TGFBR3: variants seen among roughly 807,000 people sequenced by gnomAD.
TGFBR3 encodes transforming growth factor beta receptor 3, also known as transforming growth factor beta receptor type 3.
In TGFBR3, 46 loss-of-function variants were observed where a neutral mutation model predicts 87.9. The ratio of observed to expected loss-of-function variants is 0.52; its 90% CI spans 0.41 to 0.67. The LOEUF (loss-of-function observed/expected upper bound fraction) is 0.67, where lower values mean the gene tolerates loss of function less well. TGFBR3 is among the 30% of genes least tolerant of loss of function. The pLI is 0.00. For synonymous variants in TGFBR3, 381 were observed against 391.6 expected, an observed-to-expected ratio of 0.97 and a Z score of 0.32; for missense variants, 866 against 1,041.9, an observed-to-expected ratio of 0.83 and a Z score of 2.32.
chr1:91,891,050 A>G (rs966711059), upstream of TGFBR3, among the ~76,000 whole-genome samples: 2 of 151,622 alleles, frequency 1.3e-5, no homozygotes, highest in African/African-American at 4.8e-5. Context: ...GGTGCCTACC[A>G]CCACGCCTGG....
chr1:91,694,988 G>A (rs548745747), intron 16 of TGFBR3, among the ~76,000 whole-genome samples: 5 of 152,210 alleles, frequency 3.3e-5, no homozygotes, highest in Non-Finnish European at 7.4e-5. Context: ...TCTGTATTGG[G>A]GTCAGAACAG....
chr1:91,805,982 G>A (rs1314061711), intron 2 of TGFBR3, among the ~76,000 whole-genome samples: 2 of 152,134 alleles, frequency 1.3e-5, no homozygotes, highest in African/African-American at 4.8e-5. Flanking sequence ...CCAGTTCCTC[G>A]CCTCAGGACT....
intron 3 of TGFBR3, among the ~76,000 whole-genome samples, chr1:91,760,891 C>A (rs1410267377): frequency 1.3e-5 from 2 of 152,208 alleles, no homozygotes; most frequent in African/African-American, 2.4e-5. Context: ...AAGAGACACA[C>A]ACACACTATG....
chr1:91,770,419 TAATA>T (rs1204563802), intron 3 of TGFBR3, among the ~76,000 whole-genome samples: 1 of 152,172 alleles, frequency 6.6e-6, no homozygotes. Flanking sequence ...GCAGTTTACA[TAATA>T]AATAAGAAAC....
At chr1:91,755,920 G>A (rs576316969) in intron 4 of TGFBR3, among the ~76,000 whole-genome samples, 36 of 152,164 alleles carry the variant, frequency 2.4e-4, no homozygotes, top group Admixed American at 6.5e-4. Flanking sequence ...TTCAACACCC[G>A]TCCCACATGC....
At position 91,681,775 on chromosome 1, in the gene TGFBR3, C is replaced by A. The variant is rs772559613; in HGVS notation, c.*1964G>T. 8 of 443,742 alleles carry A rather than the reference C, an allele frequency of 1.8e-5. No homozygotes were observed. The highest frequency in any genetic ancestry group is 5.0e-5 in the Admixed American group (2 of 40,302). The allele number at this position is 443,742 out of a possible 1,614,324, so 27.5% of individuals were successfully genotyped here. On this transcript the variant is annotated 3_prime_UTR_variant, in exon 17 of 17. Transcript: ENST00000212355. ...TAAAGACTCTAGTCTTCTTTGAAGA[C>A]ATCTTTAAACTTTTTTATACATAGA...
At chr1:91,751,402 G>T (rs1191160319) in intron 4 of TGFBR3, among the ~76,000 whole-genome samples, 3 of 152,162 alleles carry the variant, frequency 2.0e-5, no homozygotes, top group Non-Finnish European at 4.4e-5. Context: ...CATGCACGGT[G>T]GTATGGGCTG....
intron 10 of TGFBR3, among the ~76,000 whole-genome samples, chr1:91,718,398 G>A (rs1268952270): frequency 6.6e-6 from 1 of 151,986 alleles, no homozygotes; most frequent in Non-Finnish European, 1.5e-5. Context: ...CTCTGGATGG[G>A]GTCGAACTAG....
intron 6 of TGFBR3, among the ~76,000 whole-genome samples, chr1:91,728,997 C>T (rs886396198): frequency 2.0e-5 from 3 of 150,786 alleles, no homozygotes; most frequent in Non-Finnish European, 2.9e-5. Flanking sequence ...TATCGAATGG[C>T]TTTTTGGTAT....
At chr1:91,714,628 T>A (rs1672096617) in intron 12 of TGFBR3, among the ~76,000 whole-genome samples, 1 of 151,488 alleles carries the variant, frequency 6.6e-6, no homozygotes, top group Non-Finnish European at 1.5e-5. Flanking sequence ...ATATCCAGGG[T>A]AAGGTACAGG....
At chr1:91,870,804 C>T (rs1178056921) in intron 1 of TGFBR3, among the ~76,000 whole-genome samples, 1 of 152,066 alleles carries the variant, frequency 6.6e-6, no homozygotes, top group African/African-American at 2.4e-5. Flanking sequence ...CATGACCAGC[C>T]TGGGAAACAT....
intron 2 of TGFBR3, among the ~76,000 whole-genome samples, chr1:91,895,664 T>C (rs1174665108): frequency 6.6e-6 from 1 of 152,186 alleles, no homozygotes; most frequent in South Asian, 2.1e-4. Flanking sequence ...TTAAATGGAT[T>C]ACACATTGAT....
Position 91,682,959 on chromosome 1 carries a change from T to C in TGFBR3, c.*780A>G, listed in dbSNP as rs563815973. On this transcript the variant is annotated 3_prime_UTR_variant, in exon 17 of 17. Coordinates refer to ENST00000212355, the MANE Select transcript of TGFBR3 (RefSeq NM_003243.5). ...ACAAAATATTAGGAATGGGCACAAA[T>C]CTGTGGTTCCTGATTTTGGTCATTT... The C allele has an allele frequency of 4.4e-6, 2 of 454,544 alleles. No homozygotes were observed. The highest frequency in any genetic ancestry group is 3.1e-5 in the South Asian group (2 of 64,470). The allele number at this position is 454,544 out of a possible 1,614,324, so 28.2% of individuals were successfully genotyped here. A position where few individuals can be genotyped will look rare whatever the true frequency, so the allele number is the denominator to read the frequency against.
chr1:91,885,374 G>A (rs1203730732), intron 1 of TGFBR3, among the ~76,000 whole-genome samples: 9 of 145,982 alleles, frequency 6.2e-5, no homozygotes, highest in Non-Finnish European at 9.1e-5. Flanking sequence ...GGGGGGGGCC[G>A]AGCTGCAGCT....
chr1:91,882,699 T>C (rs1461575773), intron 1 of TGFBR3, among the ~76,000 whole-genome samples: 3 of 151,996 alleles, frequency 2.0e-5, no homozygotes, highest in African/African-American at 7.2e-5. Flanking sequence ...GAGCTGAGAT[T>C]GCACCACTGC....
chr1:91,834,735 A>G lies in TGFBR3; in HGVS notation c.61+26736T>C, dbSNP rs60533555. Among the ~76,000 whole-genome samples the G allele has an allele frequency of 2.4e-3, 372 of 152,256 alleles. 2 individuals are homozygous for G. Among genetic ancestry groups the G allele is most frequent in the African/African-American group, 8.5e-3 (355 of 41,558 alleles). On this transcript the variant is annotated intron_variant, in intron 2 of 16. Coordinates refer to ENST00000212355, the MANE Select transcript of TGFBR3 (RefSeq NM_003243.5). The stretch of plus-strand genomic sequence containing the variant: ...GCTCTGTTGCCCAGGCTGCAGTGCA[A>G]TGGCGCAATCTTGGCTCACTGCAGC...
chr1:91,800,237 A>AT (rs1277549727), intron 2 of TGFBR3, among the ~76,000 whole-genome samples: 30 of 131,060 alleles, frequency 2.3e-4, no homozygotes, highest in Non-Finnish European at 3.3e-4. Flanking sequence ...ACAAAAAAAA[A>AT]AAAAATATAT....
At chr1:91,727,498 C>A (rs1050779470) in intron 7 of TGFBR3, among the ~76,000 whole-genome samples, 161 bp downstream of exon 7, 10 of 152,150 alleles carry the variant, frequency 6.6e-5, no homozygotes, top group African/African-American at 2.4e-4. Flanking sequence ...TGAACAACCG[C>A]ACCTATTTTA....
intron 3 of TGFBR3, chr1:91,770,862 T>C (rs1674355493): frequency 6.6e-6 from 1 of 152,168 alleles, no homozygotes; most frequent in African/African-American, 2.4e-5. Flanking sequence ...TTCTCTAGGA[T>C]GTGTCCCATG....
Sources: allele counts gnomAD v4.1 joint callset (sites outside exome capture counted in the v4.1 genomes callset), GRCh38; gene constraint gnomAD v4.1.1; transcripts MANE v1.5; gene names NCBI Gene and HGNC (gene_info 2026-07-23, HGNC 2026-07-21).